ST6GALNAC3: variants seen among roughly 807,000 people sequenced by gnomAD.
ST6GALNAC3 encodes the protein ST6 N-acetylgalactosaminide alpha-2,6-sialyltransferase 3.
Under a neutral mutation model 32.7 loss-of-function variants are expected in ST6GALNAC3, and 25 were observed. The ratio of observed to expected loss-of-function variants is 0.76; its 90% CI spans 0.56 to 1.07. The LOEUF (loss-of-function observed/expected upper bound fraction) is 1.07. Among genes scored for constraint, ST6GALNAC3 ranks in the 50% least tolerant of loss-of-function variants. The pLI is 0.00. For missense variants in ST6GALNAC3, 355 were observed against 382.4 expected, an observed-to-expected ratio of 0.93 and a Z score of 0.60; for synonymous variants, 129 against 133.1, an observed-to-expected ratio of 0.97 and a Z score of 0.21.
chr1:76,478,985 G>A (rs58526292), intron 3 of ST6GALNAC3, among the ~76,000 whole-genome samples: 81 of 151,716 alleles, frequency 5.3e-4, no homozygotes, highest in East Asian at 1.2e-3. Context: ...GGATGGTCTC[G>A]ATCTCCTGAC....
chr1:76,159,766 G>A (rs1183777772), intron 1 of ST6GALNAC3, among the ~76,000 whole-genome samples: 3 of 152,182 alleles, frequency 2.0e-5, no homozygotes, highest in African/African-American at 7.2e-5. Flanking sequence ...AGTGTTTTCA[G>A]AACACAATAA....
chr1:76,500,597 T>C (rs1314126603), intron 3 of ST6GALNAC3, among the ~76,000 whole-genome samples: 2 of 152,220 alleles, frequency 1.3e-5, no homozygotes, highest in African/African-American at 4.8e-5. Context: ...TATTTTCCCC[T>C]TTTAATCAAT....
intron 1 of ST6GALNAC3, among the ~76,000 whole-genome samples, chr1:76,108,838 T>C (rs1647717754): frequency 6.7e-6 from 1 of 150,002 alleles, no homozygotes; most frequent in African/African-American, 2.5e-5. Context: ...ACCAGTGCAA[T>C]GAGTTCTGAA....
intron 1 of ST6GALNAC3, among the ~76,000 whole-genome samples, chr1:76,207,691 G>A (rs1003129929): frequency 3.9e-5 from 6 of 152,130 alleles, no homozygotes; most frequent in Admixed American, 1.3e-4. Flanking sequence ...TAAAGGCCCC[G>A]TTACTTAATA....
intron 2 of ST6GALNAC3, among the ~76,000 whole-genome samples, chr1:76,405,247 C>T (rs1653738819): frequency 6.6e-6 from 1 of 152,040 alleles, no homozygotes; most frequent in Non-Finnish European, 1.5e-5. Context: ...GATTTAATAA[C>T]TAGAACCAGT....
At chr1:76,357,548 A>C (rs2101041265) in intron 2 of ST6GALNAC3, among the ~76,000 whole-genome samples, 1 of 152,336 alleles carries the variant, frequency 6.6e-6, no homozygotes, top group South Asian at 2.1e-4. Context: ...AGTGGGACTC[A>C]GATCAGATGT....
At chr1:76,309,509 C>T (rs991081969) in intron 1 of ST6GALNAC3, among the ~76,000 whole-genome samples, 3 of 152,100 alleles carry the variant, frequency 2.0e-5, no homozygotes, top group African/African-American at 4.8e-5. Flanking sequence ...ATTGTAGTTG[C>T]TGAAGCTTGA....
intron 2 of ST6GALNAC3, among the ~76,000 whole-genome samples, chr1:76,393,301 A>G (rs1652704204): frequency 6.6e-6 from 1 of 152,212 alleles, no homozygotes; most frequent in South Asian, 2.1e-4. Flanking sequence ...CTTATAGTGT[A>G]GTCTTTAGAA....
intron 3 of ST6GALNAC3, among the ~76,000 whole-genome samples, chr1:76,623,560 G>C (rs1262213355): frequency 2.0e-5 from 3 of 151,916 alleles, no homozygotes; most frequent in East Asian, 1.9e-4. Context: ...TACATAGTTA[G>C]TGCTGCGTGC....
chr1:76,300,896 G>A lies in ST6GALNAC3; in HGVS notation c.19-12909G>A, dbSNP rs151278531. On this transcript the variant is annotated intron_variant, in intron 1 of 4. Coordinates refer to ENST00000328299, the MANE Select transcript of ST6GALNAC3 (RefSeq NM_152996.4). ...GGAGACAACATTTGAATTTGATCTTGAAGGACAAGTAGAAGTTTTCCTGAG... is the reference window on the plus strand; with the variant it reads ...GGAGACAACATTTGAATTTGATCTTAAAGGACAAGTAGAAGTTTTCCTGAG... Among the ~76,000 whole-genome samples, 26 of 152,016 alleles carry A rather than the reference G, an allele frequency of 1.7e-4. No individual in the cohort carries two copies. The East Asian group carries it at 4.5e-3, about 26-fold the overall frequency.
intron 2 of ST6GALNAC3, among the ~76,000 whole-genome samples, chr1:76,393,599 T>C (rs933381789): frequency 1.3e-5 from 2 of 152,194 alleles, no homozygotes; most frequent in Non-Finnish European, 2.9e-5. Context: ...CATTTAGCTT[T>C]ATTACTAGCA....
chr1:76,445,232 T>C (rs1656889915), intron 3 of ST6GALNAC3, among the ~76,000 whole-genome samples: 1 of 152,162 alleles, frequency 6.6e-6, no homozygotes, highest in Non-Finnish European at 1.5e-5. Context: ...ACTCTGTATA[T>C]AACAATCTTA....
intron 1 of ST6GALNAC3, among the ~76,000 whole-genome samples, chr1:76,117,997 G>A (rs2100827143): frequency 6.6e-6 from 1 of 152,256 alleles, no homozygotes; most frequent in Non-Finnish European, 1.5e-5. Flanking sequence ...ATTACTTTAA[G>A]TTCTGGGATA....
chr1:76,157,080 C>T (rs1434744199), intron 1 of ST6GALNAC3, among the ~76,000 whole-genome samples: 1 of 147,434 alleles, frequency 6.8e-6, no homozygotes, highest in Non-Finnish European at 1.5e-5. Context: ...GGTCTGGGCT[C>T]CAGGTGTGCT....
intron 3 of ST6GALNAC3, among the ~76,000 whole-genome samples, chr1:76,510,432 C>T (rs1376537644): frequency 2.0e-5 from 3 of 151,448 alleles, no homozygotes; most frequent in Non-Finnish European, 4.4e-5. Context: ...CCAGTTATTA[C>T]ACATAAAACA....
intron 2 of ST6GALNAC3, chr1:76,354,391 A>C (rs1649270293): frequency 6.6e-6 from 1 of 152,242 alleles, no homozygotes. Flanking sequence ...CCGTGAAAAA[A>C]GAGACCTGTT....
chr1:76,477,050 T>C (rs74089959), intron 3 of ST6GALNAC3, among the ~76,000 whole-genome samples: 5,971 of 152,270 alleles, frequency 0.039, 392 homozygotes, highest in African/African-American at 0.13. Context: ...GTTGCTTCCA[T>C]AGAGATACCT....
At chr1:76,207,588 G>A (rs889096302) in intron 1 of ST6GALNAC3, among the ~76,000 whole-genome samples, 2 of 152,164 alleles carry the variant, frequency 1.3e-5, no homozygotes, top group African/African-American at 2.4e-5. Context: ...ATAGAAATGG[G>A]ACTGACCCCA....
intron 1 of ST6GALNAC3, among the ~76,000 whole-genome samples, chr1:76,135,766 C>A (rs929254926): frequency 6.6e-6 from 1 of 152,050 alleles, no homozygotes; most frequent in Non-Finnish European, 1.5e-5. Flanking sequence ...AGCACACAGA[C>A]ATCAGGTAGA....
Sources: gnomAD v4.1 joint callset for allele counts (sites outside exome capture counted in the v4.1 genomes callset) on GRCh38, gnomAD v4.1.1 for gene constraint, MANE v1.5 for transcripts, NCBI Gene and HGNC (gene_info 2026-07-23, HGNC 2026-07-21) for gene names.